Variants in C1QB observed in about 807,000 individuals in gnomAD.
C1QB encodes the protein complement C1q subcomponent subunit B.
In C1QB, 2 loss-of-function variants were observed where a neutral mutation model predicts 4.6. That is an observed-to-expected ratio of 0.43 (90% confidence interval 0.18 to 1.36). The LOEUF (loss-of-function observed/expected upper bound fraction) is 1.36, where lower values mean the gene tolerates loss of function less well. C1QB is among the 40% of genes most tolerant of loss of function. C1QB has a pLI of 0.28. For synonymous variants in C1QB, 132 were observed against 137.1 expected (o/e 0.96, Z 0.26); for missense variants, 292 against 338.0 (o/e 0.86, Z 1.07).
chr1:22,661,526 A>G lies in C1QB; in HGVS notation c.*140A>G. On this transcript the variant is annotated 3_prime_UTR_variant, in exon 3 of 3. Transcript: ENST00000509305. ...AGTGAATGAGTAAATAAACTCTTCAAGGCCAAGGGACAGTGGTCTAATTCA... is the reference window on the plus strand; with the variant it reads ...AGTGAATGAGTAAATAAACTCTTCAGGGCCAAGGGACAGTGGTCTAATTCA... 1 of 958,482 alleles carries G rather than the reference A, an allele frequency of 1.0e-6. No individual in the cohort carries two copies. Among genetic ancestry groups the G allele is most frequent in the Non-Finnish European group, 1.6e-6 (1 of 620,898 alleles). 59.4% of individuals were successfully genotyped at this position (958,482 alleles called of 1,614,324 possible).
At chr1:22,659,785 A>G in intron 2 of C1QB, 142 bp downstream of exon 2, 2 of 1,009,454 alleles carry the variant, frequency 2.0e-6, no homozygotes, top group South Asian at 3.0e-5. Context: ...TAACTTTGCA[A>G]GGAGGGAATT....
intron 1 of C1QB, 59 bp from the exon 2 acceptor site, chr1:22,659,380 AT>A: frequency 7.0e-7 from 1 of 1,433,092 alleles, no homozygotes; most frequent in Non-Finnish European, 9.8e-7. Context: ...GGATGGATGG[AT>A]GGATGGATGG....
At chr1:22,654,800 G>A (rs1642508199) in intron 1 of C1QB, among the ~76,000 whole-genome samples, 1 of 152,162 alleles carries the variant, frequency 6.6e-6, no homozygotes, top group African/African-American at 2.4e-5. Flanking sequence ...TGCCTAACAA[G>A]AGCAGCAATC....
intron 1 of C1QB, among the ~76,000 whole-genome samples, chr1:22,654,896 A>T (rs1304752842): frequency 1.3e-5 from 2 of 152,202 alleles, no homozygotes; most frequent in African/African-American, 4.8e-5. Flanking sequence ...TAGTCCTTTT[A>T]TCAGGCTGTC....
At chr1:22,654,387 A>G (rs550156184) in intron 1 of C1QB, among the ~76,000 whole-genome samples, 1 of 152,064 alleles carries the variant, frequency 6.6e-6, no homozygotes, top group East Asian at 1.9e-4. Flanking sequence ...CTCCCCACCA[A>G]CTGGTCACAG....
At chr1:22,657,156 C>T (rs1642542483) in intron 1 of C1QB, among the ~76,000 whole-genome samples, 1 of 152,096 alleles carries the variant, frequency 6.6e-6, no homozygotes, top group African/African-American at 2.4e-5. Context: ...CACTCCCCTC[C>T]CCAGAGGTTG....
chr1:22,656,370 A>G (rs955950225), intron 1 of C1QB, among the ~76,000 whole-genome samples: 2 of 152,172 alleles, frequency 1.3e-5, no homozygotes, highest in African/African-American at 4.8e-5. Context: ...AATGTCCACC[A>G]ATGATGAGTG....
At chr1:22,654,509 T>G (rs539520927) in intron 1 of C1QB, among the ~76,000 whole-genome samples, 1 of 152,246 alleles carries the variant, frequency 6.6e-6, no homozygotes, top group East Asian at 1.9e-4. Context: ...GTTCAACCAC[T>G]CAGGAATTCT....
At chr1:22,660,782 A>T (rs1283047511) in intron 2 of C1QB, 30 bp from the exon 3 acceptor site, 1 of 1,611,232 alleles carries the variant, frequency 6.2e-7, no homozygotes, top group South Asian at 1.1e-5. Flanking sequence ...GGTCTCAGTG[A>T]TCTCACTTCT....
chr1:22,659,624 A>G lies in C1QB; in HGVS notation c.162A>G (p.Pro54=), dbSNP rs1215123580. ...GCCCCGATGGCCAACCTGGGACCCC[A>G]GGGATAAAAGGAGAGAAAGGTACCA... is the stretch of plus-strand genomic sequence containing the variant. The part of the protein sequence containing the change: ...TPGPDGQPGT[P]GIKGEKGLPG... The change falls in exon 2 of 3, where the codon CCA becomes CCG. Residue 54 remains proline (P), a synonymous_variant. Coordinates refer to ENST00000509305, the MANE Select transcript of C1QB (RefSeq NM_001378156.1). 6.2e-7 allele frequency: 1 copy of G among 1,613,180 alleles called. No homozygotes were observed. The highest frequency in any genetic ancestry group is 8.5e-7 in the Non-Finnish European group (1 of 1,179,532).
rs765000403 is a variant in C1QB at position 22,654,797 on chromosome 1, CAA to C, written c.-24+1495_-24+1496del. Among the ~76,000 whole-genome samples, 28 of 152,356 alleles carry C rather than the reference CAA, an allele frequency of 1.8e-4. No individual in the cohort carries two copies. In the East Asian group the frequency reaches 5.2e-3, roughly 28 times the overall value. On this transcript the variant is annotated intron_variant, in intron 1 of 2. Coordinates refer to ENST00000509305, the MANE Select transcript of C1QB (RefSeq NM_001378156.1). Reference sequence around the variant, plus strand: ...CACCAGGTGAATGTGTGCTGCCTAACAAGAGCAGCAATCATCGTGGTGGTAAA... The same window carrying C: ...CACCAGGTGAATGTGTGCTGCCTAACGAGCAGCAATCATCGTGGTGGTAAA...
At chr1:22,660,029 T>A (rs1337132492) in intron 2 of C1QB, among the ~76,000 whole-genome samples, 1 of 152,210 alleles carries the variant, frequency 6.6e-6, no homozygotes, top group Non-Finnish European at 1.5e-5. Context: ...GCAATGGTAC[T>A]TTTTTGGGGT....
In C1QB at chr1:22,661,114, G is replaced by T. The variant is rs1173915508; in HGVS notation, c.484G>T (p.Val162Leu). The change falls in exon 3 of 3, where the codon GTG becomes TTG. Residue 162 changes from valine (V) to leucine (L), a missense_variant. Transcript: ENST00000509305. The part of the protein sequence containing the change: ...EPRSGKFTCK[V>L]PGLYYFTYHA... ...CCGCAGTGGCAAGTTCACCTGCAAG[G>T]TGCCCGGTCTCTACTACTTCACCTA... 5 of 1,614,148 alleles carry T rather than the reference G, an allele frequency of 3.1e-6. No homozygotes were observed. The South Asian group carries it at 5.5e-5, about 18-fold the overall frequency.
chr1:22,655,382 C>T (rs1051558527), intron 1 of C1QB, among the ~76,000 whole-genome samples: 5 of 152,268 alleles, frequency 3.3e-5, no homozygotes, highest in African/African-American at 7.2e-5. Flanking sequence ...TGGCATAACT[C>T]AGGGCTTTCA....
chr1:22,660,747 G>A (rs1642606993), intron 2 of C1QB, 65 bp from the exon 3 acceptor site: 1 of 1,527,200 alleles, frequency 6.5e-7, no homozygotes, highest in Admixed American at 1.7e-5. Context: ...CCTGCCCAAG[G>A]TTCCAGCGCA....
In C1QB at chr1:22,661,259, T is replaced by C. The variant is rs1366730047; in HGVS notation, c.629T>C (p.Met210Thr). 6.2e-6 allele frequency: 10 copies of C among 1,613,340 alleles called. No individual in the cohort carries two copies. The South Asian group carries it at 8.8e-5, about 14-fold the overall frequency. Residue 210 changes from methionine to threonine, a missense_variant, in exon 3 of 3, where the codon ATG (methionine) becomes ACG (threonine). Coordinates refer to ENST00000509305, the MANE Select transcript of C1QB (RefSeq NM_001378156.1). The stretch of plus-strand genomic sequence containing the variant: ...ACCTTCCAGGTCACCACCGGTGGCA[T>C]GGTCCTCAAGCTGGAGCAGGGGGAG... ...YNTFQVTTGG[M>T]VLKLEQGENV...
rs1037039672 is a variant in C1QB, at chr1:22,660,458, T to G, written c.182-354T>G. ...GGAGCAGCAAGAGTGAAGGCCATGG[T>G]TGATTAGGGATGTCTGCCAGGGGTG... On this transcript the variant is annotated intron_variant, in intron 2 of 2. Coordinates refer to ENST00000509305, the MANE Select transcript of C1QB (RefSeq NM_001378156.1). 1.2e-4 allele frequency among the ~76,000 whole-genome samples: 19 copies of G among 152,004 alleles called. No homozygotes were observed. The highest frequency in any genetic ancestry group is 1.9e-4 in the Non-Finnish European group (13 of 67,944).
rs1642623307 is a variant in C1QB, at chr1:22,661,543, T to C, written c.*157T>C. Reference sequence around the variant, plus strand: ...ACTCTTCAAGGCCAAGGGACAGTGGTCTAATTCAACTCTGTGTCCCAGCAC... The same window carrying C: ...ACTCTTCAAGGCCAAGGGACAGTGGCCTAATTCAACTCTGTGTCCCAGCAC... On this transcript the variant is annotated 3_prime_UTR_variant, in exon 3 of 3. Transcript: ENST00000509305. 5 of 831,304 alleles carry C rather than the reference T, an allele frequency of 6.0e-6. No homozygotes were observed. The African/African-American group carries it at 8.4e-5, about 14-fold the overall frequency. 51.5% of individuals were successfully genotyped at this position (831,304 alleles called of 1,614,324 possible). A position where few individuals can be genotyped will look rare whatever the true frequency, so the allele number is the denominator to read the frequency against.
intron 1 of C1QB, among the ~76,000 whole-genome samples, chr1:22,657,786 T>G (rs976792870): frequency 6.6e-6 from 1 of 152,218 alleles, no homozygotes; most frequent in African/African-American, 2.4e-5. Context: ...AGGGTTAAAC[T>G]AGATGAACTT....
Sources: allele counts gnomAD v4.1 joint callset (sites outside exome capture counted in the v4.1 genomes callset), GRCh38; gene constraint gnomAD v4.1.1; transcripts MANE v1.5; gene names NCBI Gene and HGNC (gene_info 2026-07-23, HGNC 2026-07-21).